Variants in DNAI4 observed in about 807,000 individuals in gnomAD.
The protein encoded by DNAI4 is WD repeat domain 78.
In DNAI4, 85 loss-of-function variants were observed where a neutral mutation model predicts 105.8. That is an observed-to-expected ratio of 0.80 (90% confidence interval 0.67 to 0.96). The LOEUF is 0.96. DNAI4 is among the 40% of genes least tolerant of loss of function. The pLI is 0.00. For missense variants in DNAI4, 1,014 were observed against 1,005.6 expected, an observed-to-expected ratio of 1.01 and a Z score of -0.11; for synonymous variants, 352 against 331.5, an observed-to-expected ratio of 1.06 and a Z score of -0.67.
chr1:66,820,615 G>A (rs1645605637), intron 16 of DNAI4, among the ~76,000 whole-genome samples: 4 of 151,802 alleles, frequency 2.6e-5, no homozygotes, highest in African/African-American at 9.7e-5. Flanking sequence ...ATTCAAAGGT[G>A]GTAAATGTTA....
chr1:66,857,690 A>G (rs1646532225), intron 7 of DNAI4, among the ~76,000 whole-genome samples: 1 of 151,864 alleles, frequency 6.6e-6, no homozygotes, highest in African/African-American at 2.4e-5. Flanking sequence ...ATGAACCACA[A>G]CGCCCGGCTG....
intron 1 of DNAI4, among the ~76,000 whole-genome samples, chr1:66,915,613 T>C (rs1650006486): frequency 1.3e-5 from 2 of 152,110 alleles, no homozygotes; most frequent in Non-Finnish European, 2.9e-5. Context: ...TTCCAAAAAG[T>C]TTATATTGTA....
chr1:66,822,930 T>A (rs1645663552), intron 15 of DNAI4, among the ~76,000 whole-genome samples: 2 of 152,082 alleles, frequency 1.3e-5, no homozygotes, highest in Non-Finnish European at 2.9e-5. Flanking sequence ...TATTATATTT[T>A]AAGTTTTAGG....
chr1:66,842,300 G>T (rs993636478), intron 8 of DNAI4, among the ~76,000 whole-genome samples: 2 of 152,198 alleles, frequency 1.3e-5, no homozygotes, highest in Admixed American at 1.3e-4. Context: ...TGCAGGTTTG[G>T]TGTGGACACA....
chr1:66,905,146 A>C, intron 2 of DNAI4, 55 bp downstream of exon 2: 1 of 1,287,980 alleles, frequency 7.8e-7, no homozygotes, highest in Non-Finnish European at 1.0e-6. Context: ...TAACATTTCA[A>C]TTGAGTTTTT....
intron 9 of DNAI4, 56 bp from the exon 10 acceptor site, chr1:66,837,852 T>C (rs567928710): frequency 1.4e-6 from 2 of 1,438,956 alleles, no homozygotes; most frequent in African/African-American, 1.5e-5. Context: ...AAAATATTGG[T>C]AAATGTATAA....
chr1:66,906,007 T>G (rs1328361312), intron 1 of DNAI4, among the ~76,000 whole-genome samples: 1 of 125,586 alleles, frequency 8.0e-6, no homozygotes, highest in Non-Finnish European at 1.6e-5. Context: ...CACCGCAACC[T>G]CCGCCTCCTG....
At chr1:66,904,528 G>A (rs576828871) in intron 2 of DNAI4, among the ~76,000 whole-genome samples, 1 of 152,126 alleles carries the variant, frequency 6.6e-6, no homozygotes, top group Non-Finnish European at 1.5e-5. Flanking sequence ...TTTAAAAATT[G>A]GGTTGTCTCA....
intron 6 of DNAI4, among the ~76,000 whole-genome samples, chr1:66,869,462 T>C (rs1306303051): frequency 2.0e-5 from 3 of 152,116 alleles, no homozygotes; most frequent in South Asian, 4.1e-4. Flanking sequence ...CTAATATGAA[T>C]TGGAAACCTA....
chr1:66,860,671 A>G (rs1646606627), intron 7 of DNAI4: 1 of 152,128 alleles, frequency 6.6e-6, no homozygotes, highest in Non-Finnish European at 1.5e-5. Context: ...ACTCTGAAAG[A>G]TTCACAAATT....
At chr1:66,869,132 T>TATAC (rs1414473973) in intron 6 of DNAI4, among the ~76,000 whole-genome samples, 1 of 150,292 alleles carries the variant, frequency 6.7e-6, no homozygotes, top group Non-Finnish European at 1.5e-5. Context: ...TATATATATA[T>TATAC]ACATATTCTA....
Position 66,878,793 on chromosome 1 carries a change from C to T in DNAI4, c.644-3856G>A, listed in dbSNP as rs529290309. On this transcript the variant is annotated intron_variant, in intron 4 of 16. Coordinates refer to ENST00000371026, the MANE Select transcript of DNAI4 (RefSeq NM_024763.5). Reference sequence around the variant, plus strand: ...CATGTTCAATCCCAGTATGCATGTACAATGATTCAGAATTATTAACCAATA... The same window carrying T: ...CATGTTCAATCCCAGTATGCATGTATAATGATTCAGAATTATTAACCAATA... Among the ~76,000 whole-genome samples, 264 of 152,250 alleles carry T rather than the reference C, an allele frequency of 1.7e-3. 1 individual carries two copies. The highest frequency in any genetic ancestry group is 6.3e-3 in the African/African-American group (260 of 41,554).
intron 11 of DNAI4, among the ~76,000 whole-genome samples, 185 bp from the exon 12 acceptor site, chr1:66,834,333 T>C (rs1418746459): frequency 6.6e-6 from 1 of 152,170 alleles, no homozygotes; most frequent in East Asian, 1.9e-4. Context: ...CTTTTCTACT[T>C]AATACTCACT....
chr1:66,869,739 C>T (rs891661398), intron 6 of DNAI4, among the ~76,000 whole-genome samples: 1 of 152,150 alleles, frequency 6.6e-6, no homozygotes, highest in Non-Finnish European at 1.5e-5. Flanking sequence ...CAACAATGAG[C>T]TTGATAACCA....
chr1:66,839,957 A>C (rs1479044987), intron 9 of DNAI4, among the ~76,000 whole-genome samples: 1 of 152,232 alleles, frequency 6.6e-6, no homozygotes, highest in Non-Finnish European at 1.5e-5. Context: ...CGGTTAAAAC[A>C]CAATAGTGCC....
At chr1:66,817,999 T>A (rs546848743) in intron 16 of DNAI4, among the ~76,000 whole-genome samples, 2 of 152,264 alleles carry the variant, frequency 1.3e-5, no homozygotes, top group African/African-American at 2.4e-5. Context: ...ATAATGTTAA[T>A]CTTTTTTACC....
Position 66,823,469 on chromosome 1 carries a change from C to T in DNAI4, c.2340-952G>A, listed in dbSNP as rs1288475160. Among the ~76,000 whole-genome samples the T allele has an allele frequency of 7.3e-5, 11 of 150,088 alleles. No individual in the cohort carries two copies. The East Asian group carries it at 2.2e-3, about 29-fold the overall frequency. ...AAATGGTATTTCTAGTTCTAGATCC[C>T]TGAGGAATCGCCACACTGACTTCCA... On this transcript the variant is annotated intron_variant, in intron 15 of 16. Transcript: ENST00000371026.
chr1:66,840,812 ACCATGAAGGGCAGC>A lies in DNAI4; in HGVS notation c.1292-155_1292-142del, dbSNP rs540585120. ...GATCATATGGTGCAAGTGGCAGGGC[ACCATGAAGGGCAGC>A]CTGGACCTGTGGCAGAGTCTTCTGC... is the stretch of plus-strand genomic sequence containing the variant. On this transcript the variant is annotated intron_variant, in intron 8 of 16. Transcript: ENST00000371026. The A allele has an allele frequency of 1.5e-4, 132 of 856,134 alleles. No homozygotes were observed. The African/African-American group carries it at 2.0e-3, about 13-fold the overall frequency. The allele number at this position is 856,134 out of a possible 1,614,324, so 53.0% of individuals were successfully genotyped here.
chr1:66,837,707 T>C lies in DNAI4; in HGVS notation c.1581+3A>G. On this transcript the variant is annotated splice_donor_region_variant and intron_variant, in intron 10 of 16. Coordinates refer to ENST00000371026, the MANE Select transcript of DNAI4 (RefSeq NM_024763.5). ...AAATGCTTCTTATTCTTGTTTGGGT[T>C]ACCATGGGATTCTTTATTGACCAGC... is the stretch of plus-strand genomic sequence containing the variant. 1 of 1,606,200 alleles carries C rather than the reference T, an allele frequency of 6.2e-7. No individual in the cohort carries two copies.
Sources: gnomAD v4.1 joint callset for allele counts (sites outside exome capture counted in the v4.1 genomes callset) on GRCh38, gnomAD v4.1.1 for gene constraint, MANE v1.5 for transcripts, NCBI Gene and HGNC (gene_info 2026-07-23, HGNC 2026-07-21) for gene names.